SOX5: variants seen among roughly 807,000 people sequenced by gnomAD.
The protein encoded by SOX5 is SRY-box transcription factor 5, also known as transcription factor SOX-5.
A neutral mutation model predicts 92.0 loss-of-function variants in SOX5; 9 were observed. The ratio of observed to expected loss-of-function variants is 0.10; its 90% CI spans 0.06 to 0.17. The LOEUF (loss-of-function observed/expected upper bound fraction) is 0.17. Ranked by LOEUF, SOX5 falls within the 10% of genes least tolerant of loss-of-function variation. The probability of loss-of-function intolerance (pLI) is 1.00; values close to 1 mark genes in which losing one functional copy is unlikely to be tolerated. For missense variants in SOX5, 642 were observed against 944.5 expected (o/e 0.68, Z 4.20); for synonymous variants, 344 against 336.3 (o/e 1.02, Z -0.25).
At chr12:23,738,662 C>T (rs768655546) in intron 5 of SOX5, among the ~76,000 whole-genome samples, 32 of 152,260 alleles carry the variant, frequency 2.1e-4, no homozygotes, top group Non-Finnish European at 2.8e-4. Context: ...GAAGCTTCCT[C>T]TCCATCAGTC....
chr12:23,833,950 A>G (rs2096372233), intron 3 of SOX5, among the ~76,000 whole-genome samples: 1 of 152,018 alleles, frequency 6.6e-6, no homozygotes, highest in Non-Finnish European at 1.5e-5. Flanking sequence ...TGTCATCCAC[A>G]GTTAAGAGAA....
At chr12:23,882,681 TATACAAAAA>T (rs2097009488) in intron 2 of SOX5, among the ~76,000 whole-genome samples, 1 of 152,212 alleles carries the variant, frequency 6.6e-6, no homozygotes, top group Non-Finnish European at 1.5e-5. Context: ...TGAAACTCAC[TATACAAAAA>T]GTACTATGTT....
Position 23,531,404 on chromosome 12 carries a change from G to GTGTT in SOX5, c.*2811_*2814dup, listed in dbSNP as rs1190659433. Reference sequence around the variant, plus strand: ...AAGTGTTGTCAATTCATCGGTAAGTGTGTTAGAATTGATTTCAGCCATGAA... The same window carrying GTGTT: ...AAGTGTTGTCAATTCATCGGTAAGTGTGTTTGTTAGAATTGATTTCAGCCATGAA... On this transcript the variant is annotated 3_prime_UTR_variant, in exon 15 of 15. Coordinates refer to ENST00000451604, the MANE Select transcript of SOX5 (RefSeq NM_006940.6). The GTGTT allele has an allele frequency of 6.6e-6, 1 of 152,144 alleles. No homozygotes were observed. Among genetic ancestry groups the GTGTT allele is most frequent in the Non-Finnish European group, 1.5e-5 (1 of 68,042 alleles). The allele number at this position is 152,144 out of a possible 1,614,324, so 9.4% of individuals were successfully genotyped here.
intron 6 of SOX5, among the ~76,000 whole-genome samples, chr12:23,687,695 T>C (rs566770109): frequency 1.3e-5 from 2 of 152,104 alleles, no homozygotes; most frequent in South Asian, 2.1e-4. Flanking sequence ...GCTTATATGA[T>C]TGCAATGGTC....
At chr12:23,911,943 G>A (rs2097356744) in intron 1 of SOX5, among the ~76,000 whole-genome samples, 1 of 152,042 alleles carries the variant, frequency 6.6e-6, no homozygotes, top group Non-Finnish European at 1.5e-5. Context: ...GAACAAAACA[G>A]ATACATTGGA....
chr12:23,903,787 GGTT>G (rs756223659), intron 1 of SOX5, among the ~76,000 whole-genome samples: 3 of 152,236 alleles, frequency 2.0e-5, no homozygotes, highest in South Asian at 4.1e-4. Flanking sequence ...TTGTAATTAA[GGTT>G]GTTGTGAAAA....
At chr12:23,595,222 C>T (rs922535150) in intron 9 of SOX5, among the ~76,000 whole-genome samples, 1 of 152,030 alleles carries the variant, frequency 6.6e-6, no homozygotes, top group Non-Finnish European at 1.5e-5. Context: ...AAGGGACCAT[C>T]CTTTTAAGAA....
chr12:23,593,381 T>A (rs1951860946), intron 9 of SOX5, among the ~76,000 whole-genome samples: 1 of 152,178 alleles, frequency 6.6e-6, no homozygotes, highest in Admixed American at 6.5e-5. Context: ...CAGCTGAGTG[T>A]TAGCAGTAAT....
chr12:23,598,055 T>G (rs756224488), intron 9 of SOX5, among the ~76,000 whole-genome samples: 2 of 152,188 alleles, frequency 1.3e-5, no homozygotes, highest in Non-Finnish European at 2.9e-5. Flanking sequence ...TTAATACTAT[T>G]TCAGCACTGT....
intron 4 of SOX5, among the ~76,000 whole-genome samples, chr12:24,054,520 G>A (rs1035410851): frequency 6.6e-6 from 1 of 152,056 alleles, no homozygotes; most frequent in Admixed American, 6.5e-5. Context: ...GGTCAATGAT[G>A]GTAACAACAA....
chr12:24,497,851 A>G (rs904780491), intron 1 of SOX5, among the ~76,000 whole-genome samples: 5 of 152,234 alleles, frequency 3.3e-5, no homozygotes, highest in Admixed American at 2.6e-4. Context: ...CATATGCACC[A>G]TGGCATACTA....
At position 24,485,272 on chromosome 12, in the gene SOX5, C is replaced by G. The variant is rs74068363; in HGVS notation, c.-251+77057G>C. Reference sequence around the variant, plus strand: ...ACATTTGGAGGATTCTCAGCTTCAACTTATATAAATAATTGCAAGATTTTT... The same window carrying G: ...ACATTTGGAGGATTCTCAGCTTCAAGTTATATAAATAATTGCAAGATTTTT... On this transcript the variant is annotated intron_variant, in intron 1 of 4. Coordinates refer to the SOX5 transcript ENST00000446891. 1.9e-3 allele frequency among the ~76,000 whole-genome samples: 282 copies of G among 152,276 alleles called. 1 individual carries two copies. Among genetic ancestry groups the G allele is most frequent in the African/African-American group, 6.4e-3 (265 of 41,560 alleles).
chr12:23,689,104 A>C (rs2088229418), intron 6 of SOX5, among the ~76,000 whole-genome samples: 1 of 152,086 alleles, frequency 6.6e-6, no homozygotes. Context: ...GGTCACTACT[A>C]AGTCAATATC....
intron 4 of SOX5, among the ~76,000 whole-genome samples, chr12:23,960,629 C>T (rs1025118590): frequency 6.7e-5 from 10 of 149,522 alleles, no homozygotes; most frequent in Admixed American, 6.7e-4. Context: ...TGGAATACTA[C>T]ACAGCTGTTA....
chr12:24,410,903 G>C (rs1425509842), intron 1 of SOX5, among the ~76,000 whole-genome samples: 1 of 152,164 alleles, frequency 6.6e-6, no homozygotes, highest in Non-Finnish European at 1.5e-5. Flanking sequence ...TCAGTTTGAG[G>C]AGAACTGCCA....
upstream of SOX5, among the ~76,000 whole-genome samples, chr12:23,951,233 A>G (rs1945580829): frequency 6.6e-6 from 1 of 152,110 alleles, no homozygotes; most frequent in Admixed American, 6.5e-5. Context: ...ATGGCTCAAT[A>G]GTCTGTACAG....
At chr12:24,109,257 A>G (rs1284273041) in intron 4 of SOX5, among the ~76,000 whole-genome samples, 1 of 152,172 alleles carries the variant, frequency 6.6e-6, no homozygotes, top group Non-Finnish European at 1.5e-5. Flanking sequence ...TCAGATATAT[A>G]GTAGCATCAG....
chr12:23,573,400 G>A (rs966185262), intron 10 of SOX5, among the ~76,000 whole-genome samples: 1 of 152,020 alleles, frequency 6.6e-6, no homozygotes, highest in Non-Finnish European at 1.5e-5. Flanking sequence ...AAATCCTAAG[G>A]CTCTTATTCT....
intron 4 of SOX5, among the ~76,000 whole-genome samples, chr12:24,205,109 A>G (rs1027346582): frequency 6.6e-6 from 1 of 152,210 alleles, no homozygotes; most frequent in Non-Finnish European, 1.5e-5. Context: ...TCCCATGGCC[A>G]AGATTAAGCC....
Sources: allele counts gnomAD v4.1 joint callset (sites outside exome capture counted in the v4.1 genomes callset), GRCh38; gene constraint gnomAD v4.1.1; transcripts MANE v1.5; gene names NCBI Gene and HGNC (gene_info 2026-07-23, HGNC 2026-07-21).